The following LUC7L2 variants were observed in gnomAD, a reference collection of about 807,000 sequenced individuals.
LUC7L2 encodes putative RNA-binding protein Luc7-like 2.
LUC7L2 carries 25 observed loss-of-function variants against 52.8 expected under a neutral mutation model. The observed-to-expected ratio is 0.47, with a 90% CI of 0.34 to 0.66. LUC7L2 has a LOEUF of 0.66. Ranked by LOEUF, LUC7L2 falls within the 30% of genes least tolerant of loss-of-function variation. The pLI, the probability that LUC7L2 is intolerant of heterozygous loss-of-function variation, is 0.01. For missense variants in LUC7L2, 328 were observed against 497.8 expected, an observed-to-expected ratio of 0.66 and a Z score of 3.25; for synonymous variants, 144 against 160.9, an observed-to-expected ratio of 0.89 and a Z score of 0.80.
rs772203685 is a variant in LUC7L2, at chr7:139,376,170, A to G, written c.156+14A>G. The G allele has an allele frequency of 1.2e-6, 2 of 1,612,800 alleles. No individual in the cohort carries two copies. The highest frequency in any genetic ancestry group is 8.5e-7 in the Non-Finnish European group (1 of 1,179,168). ...CTTTCTGGAACTGTATGTATTTACT[A>G]AATGTATTGTTAGATTACTGATATG... On this transcript the variant is annotated intron_variant, in intron 2 of 9. Transcript: ENST00000354926.
At chr7:139,415,100 A>G (rs1795536789) in intron 8 of LUC7L2, among the ~76,000 whole-genome samples, 1 of 121,472 alleles carries the variant, frequency 8.2e-6, no homozygotes, top group African/African-American at 2.8e-5. Flanking sequence ...TTAGTAGAGT[A>G]GGGGTTTCAC....
chr7:139,410,291 AATT>A (rs1285330118), intron 7 of LUC7L2, among the ~76,000 whole-genome samples: 3 of 121,004 alleles, frequency 2.5e-5, no homozygotes, highest in East Asian at 4.1e-4. Context: ...GTTAGCATAG[AATT>A]ATTATTTTTT....
intron 7 of LUC7L2, 149 bp from the exon 8 acceptor site, chr7:139,412,402 G>A: frequency 3.4e-6 from 3 of 885,486 alleles, no homozygotes; most frequent in East Asian, 6.0e-5. Flanking sequence ...AGTTTGTGGT[G>A]TCTTTTGGAA....
At chr7:139,402,905 T>C (rs1272878186) in intron 4 of LUC7L2, among the ~76,000 whole-genome samples, 1 of 152,212 alleles carries the variant, frequency 6.6e-6, no homozygotes, top group Non-Finnish European at 1.5e-5. Flanking sequence ...GACTCCCTCA[T>C]GTTACCCCTT....
intron 8 of LUC7L2, chr7:139,416,443 A>C (rs756926370): frequency 2.2e-4 from 34 of 152,134 alleles, no homozygotes; most frequent in Non-Finnish European, 3.8e-4. Context: ...TGTATTCATT[A>C]GAAATACATT....
upstream of LUC7L2, among the ~76,000 whole-genome samples, chr7:139,358,870 A>G (rs1463791213): frequency 2.6e-5 from 4 of 152,100 alleles, no homozygotes; most frequent in Admixed American, 1.3e-4. Context: ...TAGTAGAGAC[A>G]GGGTTTCACC....
At chr7:139,375,464 C>T (rs1410915151) in intron 1 of LUC7L2, 4 of 985,254 alleles carry the variant, frequency 4.1e-6, no homozygotes, top group South Asian at 4.7e-5. Context: ...CAGGTTTGTA[C>T]GCTCTTAAAC....
In LUC7L2 at chr7:139,407,250, A is replaced by G. The variant is rs1384255337; in HGVS notation, c.587A>G (p.Tyr196Cys). Reference protein sequence around the residue: ...KLRVCEVCSAYLGLHDNDRRL... With the variant: ...KLRVCEVCSACLGLHDNDRRL... ...CGAGTCTGTGAAGTCTGCTCTGCCT[A>G]TTTAGGACTTCATGATAATGACAGA... Residue 196 changes from tyrosine to cysteine, a missense_variant, in exon 6 of 10, where the codon TAT becomes TGT. By Grantham distance (194) the Tyr-to-Cys change is radical. Transcript: ENST00000354926. 4 of 1,612,712 alleles carry G rather than the reference A, an allele frequency of 2.5e-6. No individual in the cohort carries two copies. The highest frequency in any genetic ancestry group is 1.3e-5 in the African/African-American group (1 of 74,846).
At position 139,422,654 on chromosome 7, in the gene LUC7L2, G is replaced by T. The variant is rs375790992; in HGVS notation, c.*314G>T. 19 of 469,252 alleles carry T rather than the reference G, an allele frequency of 4.0e-5. No homozygotes were observed. The highest frequency in any genetic ancestry group is 1.6e-4 in the African/African-American group (8 of 49,746). The allele number at this position is 469,252 out of a possible 1,614,324, so 29.1% of individuals were successfully genotyped here. A position where few individuals can be genotyped will look rare whatever the true frequency, so the allele number is the denominator to read the frequency against. On this transcript the variant is annotated 3_prime_UTR_variant, in exon 10 of 10. Transcript: ENST00000354926. ...TTACTTGCCTTGGGATTTTTTGAAC[G>T]TTTGTAAAATGCTGTCTTCCTAGTC... is the stretch of plus-strand genomic sequence containing the variant.
At chr7:139,361,603 T>C (rs1799888379) in intron 1 of LUC7L2, among the ~76,000 whole-genome samples, 1 of 152,212 alleles carries the variant, frequency 6.6e-6, no homozygotes, top group Non-Finnish European at 1.5e-5. Context: ...AACCTACTTG[T>C]GGTTGTGTAG....
intron 8 of LUC7L2, among the ~76,000 whole-genome samples, chr7:139,413,277 A>G (rs1242551858): frequency 6.6e-6 from 1 of 152,172 alleles, no homozygotes; most frequent in Admixed American, 6.6e-5. Context: ...ATTCTTTCTC[A>G]GTTCTTCACT....
chr7:139,389,101 C>A (rs1007109495), intron 2 of LUC7L2, among the ~76,000 whole-genome samples: 11 of 150,692 alleles, frequency 7.3e-5, no homozygotes, highest in Middle Eastern at 3.2e-3. Context: ...CTGTCACCTC[C>A]TTTCTTTTTT....
intron 2 of LUC7L2, among the ~76,000 whole-genome samples, chr7:139,377,197 C>A (rs1012628878): frequency 3.3e-5 from 5 of 151,978 alleles, no homozygotes; most frequent in East Asian, 1.9e-4. Flanking sequence ...ACTCTAAACT[C>A]TTTATTTATT....
At chr7:139,346,485 G>A (rs1563249122) in intron 1 of LUC7L2, among the ~76,000 whole-genome samples, 1 of 152,138 alleles carries the variant, frequency 6.6e-6, no homozygotes, top group South Asian at 2.1e-4. Context: ...GAAATAGGTG[G>A]CACACTCAAA....
At chr7:139,408,382 G>A (rs754313096) in intron 6 of LUC7L2, among the ~76,000 whole-genome samples, 1 of 152,176 alleles carries the variant, frequency 6.6e-6, no homozygotes, top group African/African-American at 2.4e-5. Flanking sequence ...AAAAGCAGCA[G>A]CATCAGGATG....
At chr7:139,417,463 T>TTAA in intron 8 of LUC7L2, 75 bp from the exon 9 acceptor site, 1 of 1,530,612 alleles carries the variant, frequency 6.5e-7, no homozygotes, top group Non-Finnish European at 8.8e-7. Context: ...AAGTTTCTCT[T>TTAA]TAAAGAAAAG....
rs966699626 is a variant in LUC7L2, at chr7:139,422,955, T to C, written c.*615T>C. ...TGAACAGCTGTTGCATTACATACTTTTGCTTTTTTATTGAAATTTTGAAAT... is the reference window on the plus strand; with the variant it reads ...TGAACAGCTGTTGCATTACATACTTCTGCTTTTTTATTGAAATTTTGAAAT... On this transcript the variant is annotated 3_prime_UTR_variant, in exon 10 of 10. Coordinates refer to ENST00000354926, the MANE Select transcript of LUC7L2 (RefSeq NM_016019.5). The C allele has an allele frequency of 5.0e-6, 2 of 398,900 alleles. No individual in the cohort carries two copies. The highest frequency in any genetic ancestry group is 1.3e-4 in the South Asian group (1 of 7,854). The allele number at this position is 398,900 out of a possible 1,614,324, so 24.7% of individuals were successfully genotyped here.
At chr7:139,375,804 C>T (rs1371554533) in intron 1 of LUC7L2, 1 of 358,488 alleles carries the variant, frequency 2.8e-6, no homozygotes, top group Admixed American at 4.7e-5. Flanking sequence ...AAATCCTATG[C>T]TTTTCTGAAG....
upstream of LUC7L2, among the ~76,000 whole-genome samples, chr7:139,358,065 TG>T (rs1799661019): frequency 6.6e-6 from 1 of 152,068 alleles, no homozygotes; most frequent in Non-Finnish European, 1.5e-5. Context: ...TGGAGTGCAG[TG>T]GCATAATCTC....
Sources: gnomAD v4.1 joint callset for allele counts (sites outside exome capture counted in the v4.1 genomes callset) on GRCh38, gnomAD v4.1.1 for gene constraint, MANE v1.5 for transcripts, NCBI Gene and HGNC (gene_info 2026-07-23, HGNC 2026-07-21) for gene names.